The following GLIS3 variants were observed in gnomAD, a reference collection of about 807,000 sequenced individuals.
GLIS3 encodes the protein zinc finger protein GLIS3.
In GLIS3, 53 loss-of-function variants were observed where a neutral mutation model predicts 78.6. The ratio of observed to expected loss-of-function variants is 0.67; its 90% CI spans 0.54 to 0.85. The LOEUF is 0.85. Ranked by LOEUF, GLIS3 falls within the 40% of genes least tolerant of loss-of-function variation. The probability of loss-of-function intolerance (pLI) is 0.00; values close to 1 mark genes in which losing one functional copy is unlikely to be tolerated. For missense variants in GLIS3, 1,703 were observed against 1,231.1 expected, an observed-to-expected ratio of 1.38 and a Z score of -5.74; for synonymous variants, 684 against 509.9, an observed-to-expected ratio of 1.34 and a Z score of -4.60.
At chr9:4,306,478 T>C (rs1272939726) in intron 4 of GLIS3, among the ~76,000 whole-genome samples, 2 of 152,254 alleles carry the variant, frequency 1.3e-5, no homozygotes, top group Non-Finnish European at 2.9e-5. Context: ...GACAACTGCC[T>C]CGAACAGCCA....
the GLIS3 span, among the ~76,000 whole-genome samples, chr9:4,440,431 A>G: frequency 6.6e-6 from 1 of 152,214 alleles, no homozygotes; most frequent in Non-Finnish European, 1.5e-5. Flanking sequence ...AATTTATGGA[A>G]AAGACTGACC....
At chr9:4,430,159 G>A in the GLIS3 span, among the ~76,000 whole-genome samples, 9 of 152,250 alleles carry the variant, frequency 5.9e-5, no homozygotes, top group East Asian at 7.7e-4. Context: ...CAGCAGGCCC[G>A]GGCTAAGATA....
chr9:4,381,229 AAT>A, the GLIS3 span, among the ~76,000 whole-genome samples: 1 of 152,238 alleles, frequency 6.6e-6, no homozygotes, highest in Non-Finnish European at 1.5e-5. Context: ...TCAACATGAA[AAT>A]ATCTTTAAAA....
At chr9:3,853,626 T>C (rs1028325474) in intron 9 of GLIS3, among the ~76,000 whole-genome samples, 4 of 152,192 alleles carry the variant, frequency 2.6e-5, no homozygotes, top group Non-Finnish European at 5.9e-5. Context: ...TGCCCCCCAC[T>C]TAACAAATGT....
intron 6 of GLIS3, among the ~76,000 whole-genome samples, chr9:3,907,412 C>T (rs958572511): frequency 6.6e-6 from 1 of 152,122 alleles, no homozygotes. Context: ...GTGATCCTTT[C>T]GTAATTTACT....
At chr9:3,835,415 C>T (rs1418315668) in intron 9 of GLIS3, among the ~76,000 whole-genome samples, 1 of 152,202 alleles carries the variant, frequency 6.6e-6, no homozygotes, top group Non-Finnish European at 1.5e-5. Context: ...TAGGAGACTC[C>T]TTGGAAATAA....
At chr9:4,275,861 G>A (rs1484538858) in intron 2 of GLIS3, among the ~76,000 whole-genome samples, 4 of 152,174 alleles carry the variant, frequency 2.6e-5, no homozygotes, top group African/African-American at 9.7e-5. Flanking sequence ...TACCTAAAAT[G>A]GGGCCGATTA....
In GLIS3 at chr9:4,129,452, A is replaced by G. The variant is rs111629202; in HGVS notation, c.389-3511T>C. ...AAGGTGATTGGATCATGGGGGGTGG[A>G]TCCTTCATAAATGGTTTAGCACCAT... On this transcript the variant is annotated intron_variant, in intron 2 of 10. Coordinates refer to ENST00000381971, the MANE Select transcript of GLIS3 (RefSeq NM_001042413.2). 6.7e-3 allele frequency among the ~76,000 whole-genome samples: 1,015 copies of G among 152,174 alleles called. 10 individuals carry two copies. The highest frequency in any genetic ancestry group is 0.023 in the African/African-American group (948 of 41,504).
chr9:4,284,744 CAAAAAAA>C (rs796997240), intron 2 of GLIS3, among the ~76,000 whole-genome samples: 1 of 124,020 alleles, frequency 8.1e-6, no homozygotes, highest in African/African-American at 3.0e-5. Context: ...AATCCTGTCT[CAAAAAAA>C]AAAAAAGAAA....
At chr9:4,294,402 GGGAGGCTGAGGCA>G (rs1221917341) in intron 1 of GLIS3, among the ~76,000 whole-genome samples, 1 of 152,076 alleles carries the variant, frequency 6.6e-6, no homozygotes, top group African/African-American at 2.4e-5. Context: ...CCAACTACTT[GGGAGGCTGAGGCA>G]GGAGAATCAC....
intron 2 of GLIS3, among the ~76,000 whole-genome samples, chr9:4,189,769 G>A (rs1441776140): frequency 6.6e-6 from 1 of 151,964 alleles, no homozygotes; most frequent in Non-Finnish European, 1.5e-5. Context: ...TGTCTCTTTT[G>A]ATCTTTGCTG....
At chr9:4,458,548 G>C in the GLIS3 span, among the ~76,000 whole-genome samples, 1 of 152,198 alleles carries the variant, frequency 6.6e-6, no homozygotes, top group Non-Finnish European at 1.5e-5. Context: ...CCAGCACTTT[G>C]AGAGGCCAAG....
At chr9:3,976,084 G>C (rs181127874) in intron 4 of GLIS3, among the ~76,000 whole-genome samples, 17 of 152,174 alleles carry the variant, frequency 1.1e-4, no homozygotes, top group Non-Finnish European at 2.4e-4. Flanking sequence ...GGCACATTTG[G>C]AACCATCCCT....
At position 4,118,572 on chromosome 9, in the gene GLIS3, C is replaced by G; in HGVS notation, c.906G>C (p.Ala302=). The G allele has an allele frequency of 6.2e-7, 1 of 1,614,200 alleles. No homozygotes were observed. The highest frequency in any genetic ancestry group is 8.5e-7 in the Non-Finnish European group (1 of 1,180,034). Residue 302 remains alanine, a synonymous_variant, in exon 4 of 11, where the codon GCG becomes GCC. Transcript: ENST00000381971. The surrounding 1 kb of genome is among the most constrained non-coding windows in gnomAD (Gnocchi z 4.7). ...CATCGGACAGCGGGGACAAGGACAG[C>G]GCTCTCTTCTTGGAGCGGGCCGAGT... ...RSHSARSKKR[A]LSLSPLSDGI... is the part of the protein sequence containing the mutation.
intron 4 of GLIS3, among the ~76,000 whole-genome samples, chr9:4,082,632 C>T (rs896734171): frequency 5.3e-5 from 8 of 152,292 alleles, no homozygotes; most frequent in African/African-American, 1.9e-4. Context: ...AATAACTCTG[C>T]ATCAGAAGGA....
intron 4 of GLIS3, among the ~76,000 whole-genome samples, chr9:4,073,690 G>A (rs932784524): frequency 1.3e-5 from 2 of 152,124 alleles, no homozygotes; most frequent in Non-Finnish European, 2.9e-5. Context: ...TACCACCTAC[G>A]CGGCAGTCGG....
At chr9:4,042,424 A>G (rs1236424715) in intron 4 of GLIS3, among the ~76,000 whole-genome samples, 1 of 152,200 alleles carries the variant, frequency 6.6e-6, no homozygotes, top group Non-Finnish European at 1.5e-5. Context: ...CCATGAGTAC[A>G]TAAAGCATGC....
At chr9:3,980,691 G>C (rs1205358075) in intron 4 of GLIS3, among the ~76,000 whole-genome samples, 1 of 152,164 alleles carries the variant, frequency 6.6e-6, no homozygotes, top group African/African-American at 2.4e-5. Context: ...AAAAAGTGCA[G>C]GTAGTTCTAA....
the GLIS3 span, among the ~76,000 whole-genome samples, chr9:4,398,445 T>C: frequency 2.0e-5 from 3 of 151,984 alleles, no homozygotes; most frequent in African/African-American, 7.3e-5. Context: ...ACCACTATTC[T>C]CATACCCTTA....
Sources: allele counts gnomAD v4.1 joint callset (sites outside exome capture counted in the v4.1 genomes callset), GRCh38; gene constraint gnomAD v4.1.1; non-coding constraint Gnocchi (gnomAD v3.1); transcripts MANE v1.5; gene names NCBI Gene and HGNC (gene_info 2026-07-23, HGNC 2026-07-21).